The following DHPS variants were observed in gnomAD, a reference collection of about 807,000 sequenced individuals.
DHPS encodes the protein deoxyhypusine synthase, also known as migration-inducing gene 13.
Under a neutral mutation model 38.7 loss-of-function variants are expected in DHPS, and 24 were observed. The ratio of observed to expected loss-of-function variants is 0.62; its 90% CI spans 0.45 to 0.87. The LOEUF is 0.87. Ranked by LOEUF, DHPS falls within the 40% of genes least tolerant of loss-of-function variation. The pLI is 0.00. For synonymous variants in DHPS, 250 were observed against 204.4 expected, an observed-to-expected ratio of 1.22 and a Z score of -1.90; for missense variants, 510 against 497.6, an observed-to-expected ratio of 1.02 and a Z score of -0.24.
chr19:12,675,570 G>A (rs142130654), downstream of DHPS: 556 of 1,606,070 alleles, frequency 3.5e-4, no homozygotes, highest in East Asian at 2.0e-3. Context: ...TGGTGCAGTC[G>A]CTGGCCTACC....
downstream of DHPS, chr19:12,675,447 G>C (rs894025600): frequency 2.6e-6 from 4 of 1,549,512 alleles, no homozygotes; most frequent in Non-Finnish European, 2.6e-6. Flanking sequence ...GGACTGAGAT[G>C]GGGGGTGCCC....
At chr19:12,678,905 A>G (rs1020625456) in intron 5 of DHPS, among the ~76,000 whole-genome samples, 4 of 140,576 alleles carry the variant, frequency 2.8e-5, no homozygotes, top group Non-Finnish European at 6.0e-5. Context: ...AGGCCCCAGG[A>G]GAGTTGCTAA....
rs773297930 is a variant in DHPS, at chr19:12,681,756, G to A, written c.11C>T (p.Ser4Phe). 1.3e-5 allele frequency: 21 copies of A among 1,609,632 alleles called. No individual in the cohort carries two copies. The East Asian group carries it at 4.2e-4, about 32-fold the overall frequency. ...CCCCGCTGGCGCCTCCCGTTCCAGG[G>A]AACCTTCCATGCGCCTATAGCCGGC... MEG[S>F]LEREAPAGAL... is the part of the protein sequence containing the mutation. Residue 4 changes from serine (S) to phenylalanine (F), a missense_variant, in exon 1 of 9, where the codon TCC (serine) becomes TTC (phenylalanine). By Grantham distance (155) the Ser-to-Phe change is radical. Transcript: ENST00000210060.
At chr19:12,675,173 T>C (rs530216435), downstream of DHPS, among the ~76,000 whole-genome samples, 14 of 151,876 alleles carry the variant, frequency 9.2e-5, no homozygotes, top group Non-Finnish European at 1.8e-4. Flanking sequence ...ACACCTGTAG[T>C]CCTAGCACTT....
chr19:12,678,438 G>A (rs780971817), intron 5 of DHPS, among the ~76,000 whole-genome samples: 4 of 152,028 alleles, frequency 2.6e-5, no homozygotes, highest in Non-Finnish European at 5.9e-5. Flanking sequence ...TTGCACTCCA[G>A]CCTGGGAAAC....
downstream of DHPS, among the ~76,000 whole-genome samples, chr19:12,674,699 G>C (rs546504460): frequency 1.3e-5 from 2 of 152,158 alleles, no homozygotes; most frequent in Admixed American, 6.5e-5. Context: ...TGGTGGCAGG[G>C]AACAGGCAAG....
chr19:12,675,371 G>C (rs2024543518), downstream of DHPS: 1 of 1,070,144 alleles, frequency 9.3e-7, no homozygotes, highest in Admixed American at 2.8e-5. Context: ...TAATTTTGCA[G>C]TGTCTAGGAG....
At chr19:12,681,142 C>T (rs1418535925) in intron 1 of DHPS, 1 of 1,278,400 alleles carries the variant, frequency 7.8e-7, no homozygotes, top group Non-Finnish European at 1.0e-6. Context: ...AGCCCCCACC[C>T]TTTTAGGAAT....
At chr19:12,676,175 C>G in intron 7 of DHPS, 33 bp from the exon 8 acceptor site, 1 of 1,560,056 alleles carries the variant, frequency 6.4e-7, no homozygotes, top group Non-Finnish European at 8.6e-7. Flanking sequence ...TGGGCCCAGT[C>G]AGCCAGTCAC....
chr19:12,677,066 C>T (rs1490892229), intron 7 of DHPS, 42 bp downstream of exon 7: 1 of 1,585,124 alleles, frequency 6.3e-7, no homozygotes, highest in Admixed American at 1.7e-5. Context: ...GCCCACCACA[C>T]AGCATGTCTG....
chr19:12,679,310 A>AG (rs1408272380), intron 5 of DHPS, 147 bp downstream of exon 5: 2 of 810,822 alleles, frequency 2.5e-6, no homozygotes, highest in Non-Finnish European at 4.0e-6. Flanking sequence ...AAAAAAAAAA[A>AG]ATTACCACGC....
rs372806473 is a variant in DHPS, at chr19:12,679,874, T to G, written c.421A>C (p.Lys141Gln). The G allele has an allele frequency of 6.2e-7, 1 of 1,613,990 alleles. No individual in the cohort carries two copies. The highest frequency in any genetic ancestry group is 1.3e-5 in the African/African-American group (1 of 74,922). The change falls in exon 3 of 9, where the codon AAG becomes CAG. Residue 141 changes from lysine to glutamine, a missense_variant. By Grantham distance (53) the Lys-to-Gln change is moderately conservative (BLOSUM62 1). Coordinates refer to ENST00000210060, the MANE Select transcript of DHPS (RefSeq NM_001930.4). ...CCCAAGTATGTGGGCGCCAGGCACT[T>G]GATGAGGTCTTCCTCCACGCCGCCA... Reference protein sequence around the residue: ...TAGGVEEDLIKCLAPTYLGEF... With the variant: ...TAGGVEEDLIQCLAPTYLGEF...
chr19:12,677,459 G>T, intron 5 of DHPS, 63 bp from the exon 6 acceptor site: 2 of 1,387,788 alleles, frequency 1.4e-6, no homozygotes, highest in South Asian at 1.2e-5. Flanking sequence ...CTGGCTATAT[G>T]ACTATCTGAC....
chr19:12,679,034 G>A (rs193231028), intron 5 of DHPS, among the ~76,000 whole-genome samples: 2 of 151,146 alleles, frequency 1.3e-5, no homozygotes, highest in Admixed American at 6.6e-5. Flanking sequence ...AGTGGCTCAC[G>A]CCTGTAATCC....
Position 12,677,117 on chromosome 19 carries a change from G to A in DHPS, c.879C>T (p.Ala293=). 2 of 1,614,132 alleles carry A rather than the reference G, an allele frequency of 1.2e-6. No individual in the cohort carries two copies. The highest frequency in any genetic ancestry group is 2.2e-5 in the East Asian group (1 of 44,890). ...GGVVKHHIAN[A]NLMRNGADYA... Reference sequence around the variant, plus strand: ...CGCCACCCCCACTCACCATGAGGTTGGCATTGGCAATGTGGTGCTTGACCA... The same window carrying A: ...CGCCACCCCCACTCACCATGAGGTTAGCATTGGCAATGTGGTGCTTGACCA... The change falls in exon 7 of 9, where the codon GCC becomes GCT. Residue 293 remains alanine (A), a synonymous_variant. Transcript: ENST00000210060.
At chr19:12,672,926 T>C (rs113957721), downstream of DHPS, 10,857 of 1,598,492 alleles carry the variant, frequency 6.8e-3, 619 homozygotes, top group African/African-American at 0.12. Flanking sequence ...TGAGTGTGGC[T>C]GGGGATGTGG....
intron 1 of DHPS, 188 bp downstream of exon 1, chr19:12,681,372 C>G (rs1298858043): frequency 2.0e-6 from 2 of 981,114 alleles, no homozygotes; most frequent in East Asian, 5.3e-5. Context: ...CATGTAACTA[C>G]CAGAGTGCAA....
rs2024629385 is a variant in DHPS at position 12,677,194 on chromosome 19, T to A, written c.802A>T (p.Thr268Ser). Residue 268 changes from threonine to serine, a missense_variant, in exon 7 of 9, where the codon ACA becomes TCA. Thr to Ser is a moderately conservative substitution (Grantham distance 58). Transcript: ENST00000210060. ...DIVEDLRLIN[T>S]QAIFAKCTGM... ...GTGCACTTGGCAAAGATGGCCTGTG[T>A]GTTGATGAGCCTCAGGTCTGGGGGA... 6.2e-7 allele frequency: 1 copy of A among 1,614,112 alleles called. No individual in the cohort carries two copies. Among genetic ancestry groups the A allele is most frequent in the African/African-American group, 1.3e-5 (1 of 74,944 alleles).
chr19:12,681,539 G>T, intron 1 of DHPS, 21 bp downstream of exon 1: 1 of 1,613,862 alleles, frequency 6.2e-7, no homozygotes, highest in Middle Eastern at 1.7e-4. Flanking sequence ...CGCGTCCCTA[G>T]AAATTCCGCC....
Sources: gnomAD v4.1 joint callset for allele counts (sites outside exome capture counted in the v4.1 genomes callset) on GRCh38, gnomAD v4.1.1 for gene constraint, MANE v1.5 for transcripts, NCBI Gene and HGNC (gene_info 2026-07-23, HGNC 2026-07-21) for gene names.